DPP6: variants seen among roughly 807,000 people sequenced by gnomAD.
The protein encoded by DPP6 is dipeptidyl peptidase like 6.
Under a neutral mutation model 122.6 loss-of-function variants are expected in DPP6, and 69 were observed. The ratio of observed to expected loss-of-function variants is 0.56; its 90% CI spans 0.46 to 0.69. DPP6 has a LOEUF of 0.69. DPP6 is among the 30% of genes least tolerant of loss of function. The probability of loss-of-function intolerance (pLI) is 0.00; values close to 1 mark genes in which losing one functional copy is unlikely to be tolerated. For synonymous variants in DPP6, 418 were observed against 433.1 expected, an observed-to-expected ratio of 0.97 and a Z score of 0.43; for missense variants, 928 against 1,116.9, an observed-to-expected ratio of 0.83 and a Z score of 2.41.
In DPP6 at chr7:154,061,714, C is replaced by T. The variant is rs1342055097; in HGVS notation, c.243+8651C>T. 4.3e-4 allele frequency among the ~76,000 whole-genome samples: 35 copies of T among 81,900 alleles called. 2 individuals are homozygous for T. Among genetic ancestry groups the T allele is most frequent in the Non-Finnish European group, 6.9e-4 (25 of 36,068 alleles). The allele number at this position is 81,900 out of a possible 152,430, so 53.7% of individuals were successfully genotyped here. A position where few individuals can be genotyped will look rare whatever the true frequency, so the allele number is the denominator to read the frequency against. On this transcript the variant is annotated intron_variant, in intron 1 of 25. Coordinates refer to ENST00000377770, the MANE Select transcript of DPP6 (RefSeq NM_130797.4). ...ACCATCGCAGGGGGGGAGGCAATCC[C>T]CGCGAGGCGGGGACTGCGAACCTCC... is the stretch of plus-strand genomic sequence containing the variant.
intron 1 of DPP6, among the ~76,000 whole-genome samples, chr7:154,121,108 A>G (rs1807422478): frequency 6.6e-6 from 1 of 152,104 alleles, no homozygotes; most frequent in Non-Finnish European, 1.5e-5. Flanking sequence ...CTTCCTCCAT[A>G]ACTGTAAGTT....
chr7:154,853,660 C>T (rs1180111480), intron 16 of DPP6, 120 bp from the exon 17 acceptor site: 8 of 1,381,044 alleles, frequency 5.8e-6, no homozygotes, highest in East Asian at 4.7e-5. Context: ...TGCATGAATT[C>T]GGGTTCTCCA....
the DPP6 span, among the ~76,000 whole-genome samples, chr7:153,762,410 C>A: frequency 6.6e-6 from 1 of 152,190 alleles, no homozygotes; most frequent in East Asian, 1.9e-4. Context: ...TCATCAACTG[C>A]CAATTGGACA....
intron 16 of DPP6, among the ~76,000 whole-genome samples, chr7:154,808,049 C>A (rs1003094101): frequency 6.6e-6 from 1 of 152,156 alleles, no homozygotes; most frequent in Non-Finnish European, 1.5e-5. Context: ...AAAGGTAAGT[C>A]ATCCTAAATA....
At chr7:154,269,303 G>A (rs928493382) in intron 1 of DPP6, among the ~76,000 whole-genome samples, 3 of 152,154 alleles carry the variant, frequency 2.0e-5, no homozygotes, top group Non-Finnish European at 4.4e-5. Flanking sequence ...TAAGCTGTCT[G>A]ATTCTAAAGC....
intron 1 of DPP6, among the ~76,000 whole-genome samples, chr7:154,067,909 T>G (rs1439346103): frequency 1.4e-5 from 2 of 145,260 alleles, no homozygotes; most frequent in Middle Eastern, 3.4e-3. Context: ...TTTTTTTTGT[T>G]TTTTTTTTGT....
chr7:154,242,019 G>A (rs1801652333), intron 1 of DPP6, among the ~76,000 whole-genome samples: 1 of 152,184 alleles, frequency 6.6e-6, no homozygotes, highest in Admixed American at 6.5e-5. Context: ...ACACAGGAAG[G>A]AGCTGTTCAT....
chr7:153,901,684 A>G (rs761969505), intron 1 of DPP6, among the ~76,000 whole-genome samples: 5 of 152,242 alleles, frequency 3.3e-5, no homozygotes, highest in Non-Finnish European at 7.3e-5. Context: ...GGGATGACAG[A>G]AGACAGACCC....
chr7:154,029,479 T>A (rs1162744935), intron 1 of DPP6, among the ~76,000 whole-genome samples: 4 of 150,950 alleles, frequency 2.6e-5, no homozygotes, highest in East Asian at 2.0e-4. Context: ...ATCGCACCAC[T>A]GTACTCCAGC....
chr7:154,016,380 C>A (rs58717777), intron 1 of DPP6, among the ~76,000 whole-genome samples: 11,692 of 148,904 alleles, frequency 0.079, 549 homozygotes, highest in African/African-American at 0.15. Context: ...TGGAAACATT[C>A]AGTTTTTAAA....
chr7:153,789,066 A>G, the DPP6 span, among the ~76,000 whole-genome samples: 1 of 152,182 alleles, frequency 6.6e-6, no homozygotes, highest in Non-Finnish European at 1.5e-5. Context: ...GGCTCTTGGA[A>G]GAAAATCGAG....
the DPP6 span, among the ~76,000 whole-genome samples, chr7:153,818,347 G>A: frequency 2.0e-5 from 3 of 152,234 alleles, no homozygotes; most frequent in South Asian, 6.2e-4. Context: ...GGCAATGCCA[G>A]CACTAGATAT....
intron 5 of DPP6, among the ~76,000 whole-genome samples, chr7:154,608,342 T>TA (rs59731169): frequency 2.4e-5 from 3 of 127,492 alleles, no homozygotes; most frequent in South Asian, 2.6e-4. Context: ...TATATATATA[T>TA]TTTGAGATGG....
At chr7:154,864,140 T>C (rs3800573) in intron 17 of DPP6, among the ~76,000 whole-genome samples, 44,825 of 152,126 alleles carry the variant, frequency 0.29, 10,306 homozygotes, top group African/African-American at 0.63. Context: ...CCTAAGCCTC[T>C]GCGTGCACAC....
chr7:154,796,746 G>A (rs757442150), intron 12 of DPP6, among the ~76,000 whole-genome samples: 5 of 152,136 alleles, frequency 3.3e-5, no homozygotes, highest in Admixed American at 2.0e-4. Flanking sequence ...CAAAACTATC[G>A]CCATGGCTCT....
intron 16 of DPP6, among the ~76,000 whole-genome samples, chr7:154,840,552 G>A (rs915308703): frequency 3.3e-5 from 5 of 152,226 alleles, no homozygotes; most frequent in Admixed American, 6.5e-5. Flanking sequence ...GTACACGCAA[G>A]CGTTGTCTCG....
At chr7:154,193,659 C>G (rs1461492259) in intron 1 of DPP6, among the ~76,000 whole-genome samples, 1 of 152,086 alleles carries the variant, frequency 6.6e-6, no homozygotes, top group East Asian at 1.9e-4. Context: ...GAGTGCTCCT[C>G]TTCTCATGGT....
At chr7:154,620,084 G>C (rs984310802) in intron 5 of DPP6, among the ~76,000 whole-genome samples, 1 of 152,212 alleles carries the variant, frequency 6.6e-6, no homozygotes, top group African/African-American at 2.4e-5. Flanking sequence ...TGAAGGGTCT[G>C]AGGACCACGC....
chr7:154,235,133 A>AT (rs961784695), intron 1 of DPP6, among the ~76,000 whole-genome samples: 14 of 152,178 alleles, frequency 9.2e-5, no homozygotes, highest in African/African-American at 3.4e-4. Context: ...ATTTTAGGAC[A>AT]TTTTTATCAC....
Sources: gnomAD v4.1 joint callset for allele counts (sites outside exome capture counted in the v4.1 genomes callset) on GRCh38, gnomAD v4.1.1 for gene constraint, MANE v1.5 for transcripts, NCBI Gene and HGNC (gene_info 2026-07-23, HGNC 2026-07-21) for gene names.